CNTNAP2: variants seen among roughly 807,000 people sequenced by gnomAD.
The protein encoded by CNTNAP2 is contactin associated protein 2, also known as contactin-associated protein-like 2.
CNTNAP2 carries 98 observed loss-of-function variants against 155.2 expected under a neutral mutation model. That is an observed-to-expected ratio of 0.63 (90% CI 0.54 to 0.75). CNTNAP2 has a LOEUF of 0.75. Ranked by LOEUF, CNTNAP2 falls within the 30% of genes least tolerant of loss-of-function variation. The probability of loss-of-function intolerance (pLI) is 0.00; values close to 1 mark genes in which losing one functional copy is unlikely to be tolerated. For synonymous variants in CNTNAP2, 651 were observed against 631.2 expected (o/e 1.03, Z -0.47); for missense variants, 1,727 against 1,688.1 (o/e 1.02, Z -0.40).
chr7:146,810,541 A>T (rs1179816631), intron 2 of CNTNAP2, among the ~76,000 whole-genome samples: 2 of 152,056 alleles, frequency 1.3e-5, no homozygotes, highest in African/African-American at 4.8e-5. Flanking sequence ...TATAAAAGGT[A>T]AAGTCTTTAG....
At chr7:147,932,406 T>A (rs138341486) in intron 14 of CNTNAP2, among the ~76,000 whole-genome samples, 4 of 152,124 alleles carry the variant, frequency 2.6e-5, no homozygotes, top group Non-Finnish European at 5.9e-5. Flanking sequence ...AATAAACCTG[T>A]GCATATATGA....
At chr7:146,204,747 T>TC (rs1798920494) in intron 1 of CNTNAP2, among the ~76,000 whole-genome samples, 1 of 151,990 alleles carries the variant, frequency 6.6e-6, no homozygotes. Flanking sequence ...AATTTTGTCA[T>TC]CCCCCAGTGT....
Position 148,172,392 on chromosome 7 carries a change from A to T in CNTNAP2, c.2924A>T (p.Glu975Val). The change falls in exon 18 of 24, where the codon GAA (glutamate) becomes GTA (valine). Residue 975 changes from glutamate to valine, a missense_variant. Transcript: ENST00000361727. The stretch of plus-strand genomic sequence containing the variant: ...TGCACCAGCTATGGAACAAACTGTG[A>T]AAATGGAGGCAAATGCCTAGAGAGA... ...GHCTSYGTNCENGGKCLERYH... is the reference protein window; with the variant it reads ...GHCTSYGTNCVNGGKCLERYH... The T allele has an allele frequency of 6.2e-7, 1 of 1,614,174 alleles. No homozygotes were observed. The highest frequency in any genetic ancestry group is 1.1e-5 in the South Asian group (1 of 91,082).
chr7:147,826,581 G>A (rs575913185), intron 13 of CNTNAP2, among the ~76,000 whole-genome samples: 1 of 152,166 alleles, frequency 6.6e-6, no homozygotes, highest in South Asian at 2.1e-4. Context: ...AATTTAATGG[G>A]GAGTCTAAAA....
chr7:146,323,920 T>G (rs1801050047), intron 1 of CNTNAP2, among the ~76,000 whole-genome samples: 1 of 152,208 alleles, frequency 6.6e-6, no homozygotes, highest in African/African-American at 2.4e-5. Flanking sequence ...TTATCTTTGA[T>G]GTAATGGACA....
chr7:146,189,689 A>G (rs562553480), intron 1 of CNTNAP2, among the ~76,000 whole-genome samples: 1 of 152,326 alleles, frequency 6.6e-6, no homozygotes, highest in African/African-American at 2.4e-5. Flanking sequence ...GAGAAGAGAT[A>G]GGACCATGGA....
At chr7:147,454,015 A>C (rs545449381) in intron 10 of CNTNAP2, among the ~76,000 whole-genome samples, 15 of 8,524 alleles carry the variant, frequency 1.8e-3, no homozygotes, top group Admixed American at 0.014. Flanking sequence ...TGGGGCAAAA[A>C]TAAAATAAAA....
intron 1 of CNTNAP2, among the ~76,000 whole-genome samples, chr7:146,672,504 A>C (rs12537000): frequency 0.6 from 90,841 of 152,062 alleles, 31,203 homozygotes; most frequent in South Asian, 0.85. Context: ...TCATAGGACC[A>C]GTGTAGATTA....
chr7:147,263,598 T>C (rs1804542562), intron 8 of CNTNAP2, among the ~76,000 whole-genome samples: 1 of 152,218 alleles, frequency 6.6e-6, no homozygotes, highest in African/African-American at 2.4e-5. Context: ...TAATTTGACT[T>C]ATACATAATA....
chr7:146,918,307 T>C (rs998436062), intron 3 of CNTNAP2, among the ~76,000 whole-genome samples: 1 of 152,216 alleles, frequency 6.6e-6, no homozygotes, highest in Non-Finnish European at 1.5e-5. Flanking sequence ...GGAGATTCTA[T>C]TTTGGTGTGT....
chr7:147,425,228 T>G (rs1797359543), intron 10 of CNTNAP2, among the ~76,000 whole-genome samples: 1 of 149,148 alleles, frequency 6.7e-6, no homozygotes, highest in African/African-American at 2.5e-5. Flanking sequence ...AAAAAAAAAT[T>G]GTTATTCTCC....
At chr7:148,143,255 G>A (rs893740199) in intron 16 of CNTNAP2, among the ~76,000 whole-genome samples, 1 of 152,176 alleles carries the variant, frequency 6.6e-6, no homozygotes, top group African/African-American at 2.4e-5. Flanking sequence ...CGTGAAAAGT[G>A]AAAAGACCAA....
chr7:147,295,533 T>A (rs973666847), intron 8 of CNTNAP2, among the ~76,000 whole-genome samples: 2 of 152,152 alleles, frequency 1.3e-5, no homozygotes, highest in Non-Finnish European at 2.9e-5. Context: ...GTATTACGAA[T>A]CAAATGCAAG....
At chr7:147,339,327 C>A (rs1216847712) in intron 9 of CNTNAP2, among the ~76,000 whole-genome samples, 1 of 152,010 alleles carries the variant, frequency 6.6e-6, no homozygotes, top group Non-Finnish European at 1.5e-5. Flanking sequence ...TGTGTGGATT[C>A]TGTTTTGCAG....
At chr7:147,048,910 G>A (rs1039213391) in intron 4 of CNTNAP2, among the ~76,000 whole-genome samples, 1 of 152,252 alleles carries the variant, frequency 6.6e-6, no homozygotes, top group Middle Eastern at 3.4e-3. Flanking sequence ...CCTGAAAACT[G>A]TCTTTACTGT....
At chr7:146,838,248 A>G (rs1433927688) in intron 2 of CNTNAP2, among the ~76,000 whole-genome samples, 1 of 152,150 alleles carries the variant, frequency 6.6e-6, no homozygotes, top group Non-Finnish European at 1.5e-5. Flanking sequence ...TTATTTGTTT[A>G]TCTTATTTTA....
At chr7:147,399,660 A>T (rs1341622068) in intron 10 of CNTNAP2, among the ~76,000 whole-genome samples, 2 of 152,234 alleles carry the variant, frequency 1.3e-5, no homozygotes, top group South Asian at 2.1e-4. Flanking sequence ...TGAAATGTCT[A>T]CTGGACGTCT....
chr7:146,777,824 G>A (rs376396995), intron 2 of CNTNAP2, among the ~76,000 whole-genome samples: 32 of 152,256 alleles, frequency 2.1e-4, no homozygotes, highest in South Asian at 1.0e-3. Flanking sequence ...ATATGCAAAT[G>A]CCCTTGGGAG....
At chr7:148,325,415 G>C (rs1456068360) in intron 21 of CNTNAP2, among the ~76,000 whole-genome samples, 1 of 152,222 alleles carries the variant, frequency 6.6e-6, no homozygotes, top group Admixed American at 6.5e-5. Flanking sequence ...TCTAACTTAA[G>C]AACGTGAGTC....
Sources: allele counts gnomAD v4.1 joint callset (sites outside exome capture counted in the v4.1 genomes callset), GRCh38; gene constraint gnomAD v4.1.1; transcripts MANE v1.5; gene names NCBI Gene and HGNC (gene_info 2026-07-23, HGNC 2026-07-21).